The following DEAF1 variants were observed in gnomAD, a reference collection of about 807,000 sequenced individuals.
DEAF1 encodes deformed epidermal autoregulatory factor 1 homolog.
DEAF1 carries 53 observed loss-of-function variants against 58.9 expected under a neutral mutation model. That is an observed-to-expected ratio of 0.90 (90% CI 0.72 to 1.13). DEAF1 has a LOEUF of 1.13. Ranked by LOEUF, DEAF1 falls within the 50% of genes most tolerant of loss-of-function variation. The pLI, the probability that DEAF1 is intolerant of heterozygous loss-of-function variation, is 0.00. For missense variants in DEAF1, 685 were observed against 791.4 expected, an observed-to-expected ratio of 0.87 and a Z score of 1.61; for synonymous variants, 385 against 340.4, an observed-to-expected ratio of 1.13 and a Z score of -1.44.
Position 678,697 on chromosome 11 carries a change from T to C in DEAF1, c.1252A>G (p.Ile418Val). Residue 418 changes from isoleucine (I) to valine (V), a missense_variant, in exon 9 of 12, where the codon ATA becomes GTA. Coordinates refer to ENST00000382409, the MANE Select transcript of DEAF1 (RefSeq NM_021008.4). ...EAALPTSHPK[I>V]VLTSLPALAV... is the part of the protein sequence containing the mutation. The stretch of plus-strand genomic sequence containing the variant: ...GTGTGAATTCTTTCAAACCTACCTA[T>C]TTTGGGATGTGACGTTGGCAACGCA... 2 of 1,613,944 alleles carry C rather than the reference T, an allele frequency of 1.2e-6. No individual in the cohort carries two copies. Among genetic ancestry groups the C allele is most frequent in the Non-Finnish European group, 1.7e-6 (2 of 1,179,888 alleles).
chr11:682,279 C>T (rs1180772676), intron 6 of DEAF1, among the ~76,000 whole-genome samples: 2 of 152,228 alleles, frequency 1.3e-5, no homozygotes, highest in African/African-American at 4.8e-5. Flanking sequence ...ACACACTGCT[C>T]CACTGTCTGA....
intron 11 of DEAF1, among the ~76,000 whole-genome samples, chr11:653,720 G>GC (rs1858905808): frequency 6.6e-6 from 1 of 152,196 alleles, no homozygotes; most frequent in African/African-American, 2.4e-5. Context: ...CTGACCAGCA[G>GC]CCCTCAGGGT....
At chr11:702,501 A>G (rs975184554) in intron 1 of DEAF1, among the ~76,000 whole-genome samples, 4 of 152,202 alleles carry the variant, frequency 2.6e-5, no homozygotes, top group African/African-American at 7.2e-5. Flanking sequence ...TTTGTTTGCT[A>G]AATACGCAGT....
intron 1 of DEAF1, chr11:702,987 C>G (rs200575348): frequency 6.8e-6 from 11 of 1,611,106 alleles, no homozygotes; most frequent in Non-Finnish European, 9.3e-6. Context: ...CCGCTGGCCG[C>G]CAGCCTGGCC....
chr11:654,165 CTTTT>C (rs369963488), intron 10 of DEAF1, 114 bp from the exon 11 acceptor site: 900 of 408,976 alleles, frequency 2.2e-3, no homozygotes, highest in Non-Finnish European at 2.7e-3. Flanking sequence ...ATTGGACCCC[CTTTT>C]TTTTTTTTTT....
intron 10 of DEAF1, among the ~76,000 whole-genome samples, chr11:657,899 C>T (rs1859135724): frequency 6.6e-6 from 1 of 152,086 alleles, no homozygotes; most frequent in Non-Finnish European, 1.5e-5. Flanking sequence ...AGGCTGTCTC[C>T]CACAGGTGGC....
intron 11 of DEAF1, among the ~76,000 whole-genome samples, chr11:651,579 T>C (rs1858774424): frequency 6.6e-6 from 1 of 151,900 alleles, no homozygotes; most frequent in African/African-American, 2.4e-5. Context: ...ACAGGCATAA[T>C]GGCAGATAAA....
intron 7 of DEAF1, among the ~76,000 whole-genome samples, chr11:680,644 C>T (rs1256103565): frequency 6.6e-6 from 1 of 152,158 alleles, no homozygotes; most frequent in Non-Finnish European, 1.5e-5. Flanking sequence ...CTGAGAATCC[C>T]TCACCAAGGA....
intron 7 of DEAF1, 75 bp downstream of exon 7, chr11:680,888 G>A (rs1053751743): frequency 1.4e-5 from 22 of 1,598,790 alleles, no homozygotes; most frequent in African/African-American, 1.3e-5. Context: ...CGCAGTGGCC[G>A]TGGGAGTGGT....
intron 1 of DEAF1, chr11:700,565 C>T: frequency 1.4e-6 from 2 of 1,418,176 alleles, no homozygotes; most frequent in African/African-American, 2.8e-5. Context: ...GAGGTGGCTG[C>T]TGCTGCTGTG....
chr11:685,038 C>T lies in DEAF1; in HGVS notation c.805-75G>A, dbSNP rs780747490. 1.4e-5 allele frequency: 15 copies of T among 1,059,416 alleles called. No homozygotes were observed. In the African/African-American group the frequency reaches 2.2e-4, roughly 16 times the overall value. 65.6% of individuals were successfully genotyped at this position (1,059,416 alleles called of 1,614,324 possible). A position where few individuals can be genotyped will look rare whatever the true frequency, so the allele number is the denominator to read the frequency against. The stretch of plus-strand genomic sequence containing the variant: ...TCAATCATTCAATAATAGAAGATTT[C>T]AACCACTTTTACCACTTACCTACCA... On this transcript the variant is annotated intron_variant, in intron 5 of 11. Coordinates refer to ENST00000382409, the MANE Select transcript of DEAF1 (RefSeq NM_021008.4).
At chr11:684,232 A>G (rs2133393265) in intron 6 of DEAF1, among the ~76,000 whole-genome samples, 1 of 152,072 alleles carries the variant, frequency 6.6e-6, no homozygotes, top group Non-Finnish European at 1.5e-5. Context: ...AGCCTGACCA[A>G]CATGGCAAAA....
chr11:704,833 C>A, intron 1 of DEAF1: 1 of 378,072 alleles, frequency 2.6e-6, no homozygotes, highest in Non-Finnish European at 5.0e-6. Flanking sequence ...TGGAGAGGGA[C>A]CCCACCCCCC....
chr11:683,197 G>A (rs766922242), intron 6 of DEAF1, among the ~76,000 whole-genome samples: 11 of 152,120 alleles, frequency 7.2e-5, no homozygotes, highest in African/African-American at 9.7e-5. Flanking sequence ...CTCCCCAAGC[G>A]GAAGCCAAAA....
intron 1 of DEAF1, among the ~76,000 whole-genome samples, chr11:701,917 C>T (rs898365664): frequency 1.3e-5 from 2 of 152,204 alleles, no homozygotes; most frequent in African/African-American, 4.8e-5. Context: ...CTGTGGCCAG[C>T]GGGGTGCAGA....
intron 2 of DEAF1, among the ~76,000 whole-genome samples, chr11:689,050 G>A (rs1860716010): frequency 6.6e-6 from 1 of 152,136 alleles, no homozygotes; most frequent in African/African-American, 2.4e-5. Flanking sequence ...GCAAACTCTG[G>A]CCTGCAGGCT....
chr11:657,106 G>A lies in DEAF1; in HGVS notation c.1504-3055C>T, dbSNP rs370636406. Among the ~76,000 whole-genome samples the A allele has an allele frequency of 2.8e-3, 419 of 151,930 alleles. 4 individuals carry two copies. The highest frequency in any genetic ancestry group is 9.6e-3 in the South Asian group (46 of 4,810). ...CACGTGACAACATCCCAGCAGCACC[G>A]GACCCACCTGGCACCCACCTGGCAC... On this transcript the variant is annotated intron_variant, in intron 10 of 11. Transcript: ENST00000382409.
intron 10 of DEAF1, among the ~76,000 whole-genome samples, chr11:656,598 A>C (rs2133301292): frequency 6.6e-6 from 1 of 152,348 alleles, no homozygotes; most frequent in African/African-American, 2.4e-5. Context: ...CCTCACAGAC[A>C]GAGGTCAGGT....
chr11:673,021 C>T (rs979979466), intron 10 of DEAF1, among the ~76,000 whole-genome samples: 3 of 151,122 alleles, frequency 2.0e-5, no homozygotes, highest in Non-Finnish European at 2.9e-5. Context: ...TGGCAGCAGG[C>T]GCCTGTAGTC....
Sources: allele counts gnomAD v4.1 joint callset (sites outside exome capture counted in the v4.1 genomes callset), GRCh38; gene constraint gnomAD v4.1.1; transcripts MANE v1.5; gene names NCBI Gene and HGNC (gene_info 2026-07-23, HGNC 2026-07-21).